SYNPR: variants seen among roughly 807,000 people sequenced by gnomAD.
SYNPR encodes the protein synaptoporin.
Under a neutral mutation model 32.9 loss-of-function variants are expected in SYNPR, and 23 were observed. The ratio of observed to expected loss-of-function variants is 0.70; its 90% CI spans 0.50 to 0.99. The LOEUF is 0.99. Ranked by LOEUF, SYNPR falls within the 50% of genes least tolerant of loss-of-function variation. The pLI is 0.00. For missense variants in SYNPR, 318 were observed against 349.3 expected, an observed-to-expected ratio of 0.91 and a Z score of 0.71; for synonymous variants, 146 against 135.9, an observed-to-expected ratio of 1.07 and a Z score of -0.52.
chr3:63,347,834 TTGTGTG>T (rs1055578154), intron 2 of SYNPR, among the ~76,000 whole-genome samples: 2 of 151,746 alleles, frequency 1.3e-5, no homozygotes, highest in African/African-American at 4.8e-5. Flanking sequence ...TAGTATTCCA[TTGTGTG>T]TGTGTCTGCG....
chr3:63,384,734 G>C (rs6787646), intron 2 of SYNPR, among the ~76,000 whole-genome samples: 24 of 152,170 alleles, frequency 1.6e-4, no homozygotes, highest in African/African-American at 4.8e-4. Flanking sequence ...TGTGTTAAAT[G>C]CTGTACATTG....
chr3:63,404,801 T>A lies in SYNPR; in HGVS notation c.85-76031T>A, dbSNP rs17068493. Among the ~76,000 whole-genome samples, 898 of 152,302 alleles carry A rather than the reference T, an allele frequency of 5.9e-3. 16 individuals carry two copies. Among genetic ancestry groups the A allele is most frequent in the East Asian group, 0.043 (224 of 5,190 alleles). ...TTAATACAAACAATTGCTACCTGATTATTAAATAGAATATCTGCTTCATGT... is the reference window on the plus strand; with the variant it reads ...TTAATACAAACAATTGCTACCTGATAATTAAATAGAATATCTGCTTCATGT... On this transcript the variant is annotated intron_variant, in intron 2 of 5. Transcript: ENST00000478300.
chr3:63,275,222 T>A (rs942157327), upstream of SYNPR, among the ~76,000 whole-genome samples: 13 of 152,224 alleles, frequency 8.5e-5, no homozygotes, highest in Non-Finnish European at 1.8e-4. Context: ...TCATCTGTCC[T>A]ATCTCCCCTA....
At chr3:63,262,143 C>T (rs1018780409) in intron 2 of SYNPR, among the ~76,000 whole-genome samples, 1 of 151,404 alleles carries the variant, frequency 6.6e-6, no homozygotes, top group Admixed American at 6.6e-5. Context: ...GGTTACTCAA[C>T]CTAAGTTTTC....
intron 2 of SYNPR, among the ~76,000 whole-genome samples, chr3:63,311,600 C>T (rs954393103): frequency 2.0e-5 from 3 of 151,928 alleles, no homozygotes; most frequent in African/African-American, 7.2e-5. Context: ...AACACCCCGT[C>T]CATGGAAAAA....
Position 63,256,096 on chromosome 3 carries a change from C to T in SYNPR, n.154+3510C>T, listed in dbSNP as rs182247947. ...GAAGCTCCAACTGGGTGGAGCCCAC[C>T]GCAGCTCAAGGAAGCCTGCCTGCCT... On this transcript the variant is annotated intron_variant and non_coding_transcript_variant, in intron 2 of 4. Transcript: ENST00000478456. Among the ~76,000 whole-genome samples the T allele has an allele frequency of 8.5e-5, 13 of 152,228 alleles. No individual in the cohort carries two copies. In the East Asian group the frequency reaches 1.4e-3, roughly 16 times the overall value.
intron 3 of SYNPR, among the ~76,000 whole-genome samples, chr3:63,498,439 G>A (rs773407442): frequency 9.9e-5 from 15 of 152,084 alleles, no homozygotes; most frequent in Non-Finnish European, 2.1e-4. Context: ...AAGCAAACGA[G>A]CAAGAGACCA....
chr3:63,255,657 GC>G (rs2086375582), intron 2 of SYNPR, among the ~76,000 whole-genome samples: 1 of 152,178 alleles, frequency 6.6e-6, no homozygotes, highest in African/African-American at 2.4e-5. Flanking sequence ...CCAGTCTACA[GC>G]TCCCAGTGTG....
chr3:63,245,766 T>G lies in SYNPR; in HGVS notation n.67-6733T>G, dbSNP rs969441615. 4.2e-3 allele frequency among the ~76,000 whole-genome samples: 608 copies of G among 146,376 alleles called. 4 individuals carry two copies. Among genetic ancestry groups the G allele is most frequent in the African/African-American group, 0.014 (558 of 38,950 alleles). On this transcript the variant is annotated intron_variant and non_coding_transcript_variant, in intron 1 of 4. Coordinates refer to the SYNPR transcript ENST00000478456. ...ATGTGTGTGTGTGTGTGTGTGTGTGTGGTATATTTTATAAAGAACATTAGC... is the reference window on the plus strand; with the variant it reads ...ATGTGTGTGTGTGTGTGTGTGTGTGGGGTATATTTTATAAAGAACATTAGC...
chr3:63,456,451 G>A (rs1360649022), intron 2 of SYNPR, among the ~76,000 whole-genome samples: 2 of 152,090 alleles, frequency 1.3e-5, no homozygotes, highest in East Asian at 3.9e-4. Flanking sequence ...AATGGGATGG[G>A]AGGGGTAAGG....
At chr3:63,307,829 A>G (rs1408272805) in intron 2 of SYNPR, among the ~76,000 whole-genome samples, 1 of 152,054 alleles carries the variant, frequency 6.6e-6, no homozygotes, top group Non-Finnish European at 1.5e-5. Flanking sequence ...CTATTTAGAA[A>G]GCTGCTTTAG....
At position 63,319,034 on chromosome 3, in the gene SYNPR, G is replaced by A. The variant is rs527835554; in HGVS notation, c.84+40292G>A. 1.1e-3 allele frequency among the ~76,000 whole-genome samples: 172 copies of A among 152,088 alleles called. 2 individuals carry two copies. Among genetic ancestry groups the A allele is most frequent in the African/African-American group, 4.0e-3 (168 of 41,524 alleles). ...GCAGTGATTGTTGTCTCTCTTCTGG[G>A]TCTAGCCACCCAGCGAGTCTACCTG... On this transcript the variant is annotated intron_variant, in intron 2 of 5. Coordinates refer to ENST00000478300, the MANE Select transcript of SYNPR (RefSeq NM_001130003.2).
intron 1 of SYNPR, among the ~76,000 whole-genome samples, chr3:63,236,406 A>T (rs1204161530): frequency 6.6e-6 from 1 of 152,122 alleles, no homozygotes. Context: ...GTCTGTATCT[A>T]CAAAAACCTT....
intron 2 of SYNPR, among the ~76,000 whole-genome samples, chr3:63,395,493 C>G (rs897758646): frequency 2.0e-5 from 3 of 152,116 alleles, no homozygotes; most frequent in Non-Finnish European, 4.4e-5. Context: ...TACACAGTAT[C>G]CTACCTGAAA....
intron 2 of SYNPR, among the ~76,000 whole-genome samples, chr3:63,309,019 C>T (rs1191124360): frequency 2.6e-5 from 4 of 151,846 alleles, no homozygotes; most frequent in Admixed American, 6.6e-5. Context: ...ATCACTGATG[C>T]GCTGTTCATT....
At chr3:63,425,254 T>A (rs1436488768) in intron 2 of SYNPR, among the ~76,000 whole-genome samples, 1 of 152,142 alleles carries the variant, frequency 6.6e-6, no homozygotes, top group Admixed American at 6.6e-5. Flanking sequence ...GAGAAAACAC[T>A]GTAAGGATAA....
At chr3:63,282,231 A>G (rs557293298) in intron 2 of SYNPR, among the ~76,000 whole-genome samples, 27 of 152,308 alleles carry the variant, frequency 1.8e-4, no homozygotes, top group Admixed American at 1.3e-4. Context: ...AAGTTAAGTG[A>G]TATCAAACAT....
At chr3:63,456,161 A>C (rs536385537) in intron 2 of SYNPR, among the ~76,000 whole-genome samples, 1 of 152,076 alleles carries the variant, frequency 6.6e-6, no homozygotes, top group Non-Finnish European at 1.5e-5. Flanking sequence ...ACTTATCTCC[A>C]TGATTCAATT....
At chr3:63,611,445 T>C (rs1700196388) in intron 5 of SYNPR, among the ~76,000 whole-genome samples, 1 of 152,152 alleles carries the variant, frequency 6.6e-6, no homozygotes, top group South Asian at 2.1e-4. Flanking sequence ...AAACACAATA[T>C]TTTTATTACA....
Sources: gnomAD v4.1 joint callset for allele counts (sites outside exome capture counted in the v4.1 genomes callset) on GRCh38, gnomAD v4.1.1 for gene constraint, MANE v1.5 for transcripts, NCBI Gene and HGNC (gene_info 2026-07-23, HGNC 2026-07-21) for gene names.